PREX2: variants seen among roughly 807,000 people sequenced by gnomAD.
PREX2 encodes the protein phosphatidylinositol-3,4,5-trisphosphate dependent Rac exchange factor 2, also known as phosphatidylinositol 3,4,5-trisphosphate-dependent Rac exchanger 2 protein.
PREX2 carries 107 observed loss-of-function variants against 203.2 expected under a neutral mutation model. The observed-to-expected ratio is 0.53, with a 90% CI of 0.45 to 0.62. PREX2 has a LOEUF of 0.62. Ranked by LOEUF, PREX2 falls within the 20% of genes least tolerant of loss-of-function variation. The pLI, the probability that PREX2 is intolerant of heterozygous loss-of-function variation, is 0.00. For synonymous variants in PREX2, 672 were observed against 663.6 expected (o/e 1.01, Z -0.19); for missense variants, 1,777 against 1,955.9 (o/e 0.91, Z 1.72).
chr8:68,214,310 G>A (rs1327066115), intron 37 of PREX2, among the ~76,000 whole-genome samples: 1 of 152,142 alleles, frequency 6.6e-6, no homozygotes. Context: ...TGAGGAGGGA[G>A]GATCACCTGA....
At chr8:68,157,262 T>C in intron 34 of PREX2, 60 bp from the exon 35 acceptor site, 1 of 810,566 alleles carries the variant, frequency 1.2e-6, no homozygotes, top group South Asian at 2.1e-5. Context: ...AAAATTATAC[T>C]ACACGTGGAG....
At chr8:67,964,036 A>C (rs1296866718) in intron 1 of PREX2, among the ~76,000 whole-genome samples, 1 of 152,130 alleles carries the variant, frequency 6.6e-6, no homozygotes, top group African/African-American at 2.4e-5. Flanking sequence ...CTCAGTATTT[A>C]TGTAGATTCT....
chr8:68,164,342 A>T (rs958368629), intron 35 of PREX2, among the ~76,000 whole-genome samples: 1 of 131,778 alleles, frequency 7.6e-6, no homozygotes, highest in African/African-American at 2.8e-5. Context: ...GAAAGGCCTT[A>T]ATATGTATTA....
At chr8:68,059,637 C>T (rs1399399899) in intron 10 of PREX2, among the ~76,000 whole-genome samples, 1 of 152,166 alleles carries the variant, frequency 6.6e-6, no homozygotes, top group East Asian at 1.9e-4. Context: ...CAACACCAGT[C>T]AGAAGTCCAG....
chr8:68,213,707 A>G (rs1036162484), intron 37 of PREX2, among the ~76,000 whole-genome samples: 4 of 152,218 alleles, frequency 2.6e-5, no homozygotes, highest in African/African-American at 9.6e-5. Flanking sequence ...TTATAAGCAC[A>G]GATATATTGA....
At chr8:68,007,696 G>A (rs531494074) in intron 1 of PREX2, among the ~76,000 whole-genome samples, 36 of 152,184 alleles carry the variant, frequency 2.4e-4, no homozygotes, top group African/African-American at 8.2e-4. Context: ...TGCAAGCTCC[G>A]CCTCCTAGGT....
intron 30 of PREX2, among the ~76,000 whole-genome samples, chr8:68,123,842 A>G (rs1378784146): frequency 6.6e-6 from 1 of 152,072 alleles, no homozygotes; most frequent in Admixed American, 6.6e-5. Context: ...ATGTACACAG[A>G]AGAGCTGGTA....
At chr8:68,038,135 T>G (rs201109115) in intron 6 of PREX2, 24 bp from the exon 7 acceptor site, 601 of 1,605,622 alleles carry the variant, frequency 3.7e-4, no homozygotes, top group Non-Finnish European at 4.7e-4. Context: ...TAAGCAGACA[T>G]TAATTGCATT....
At chr8:68,152,590 A>G (rs1181675521) in intron 34 of PREX2, among the ~76,000 whole-genome samples, 2 of 152,140 alleles carry the variant, frequency 1.3e-5, no homozygotes, top group Non-Finnish European at 2.9e-5. Flanking sequence ...CACACCAACA[A>G]TCATGCAAAT....
intron 15 of PREX2, 152 bp from the exon 16 acceptor site, chr8:68,080,291 C>A (rs1348787762): frequency 3.9e-5 from 19 of 493,448 alleles, no homozygotes; most frequent in Non-Finnish European, 5.8e-5. Flanking sequence ...AGAAAAAAAA[C>A]AAAACCCGGG....
chr8:68,170,377 C>A (rs139128983), intron 35 of PREX2, among the ~76,000 whole-genome samples: 1 of 152,230 alleles, frequency 6.6e-6, no homozygotes, highest in African/African-American at 2.4e-5. Flanking sequence ...TTAAAGTTTG[C>A]ACAAGGCAGT....
intron 35 of PREX2, among the ~76,000 whole-genome samples, chr8:68,173,574 G>A (rs888679107): frequency 3.3e-5 from 5 of 152,072 alleles, no homozygotes; most frequent in African/African-American, 9.7e-5. Context: ...ACCTTAAGAA[G>A]TTGTAATTAT....
At chr8:67,995,248 A>T (rs1025372712) in intron 1 of PREX2, among the ~76,000 whole-genome samples, 2 of 152,106 alleles carry the variant, frequency 1.3e-5, no homozygotes, top group Non-Finnish European at 2.9e-5. Context: ...GCATTTTCTT[A>T]TATCTTTTTA....
chr8:67,954,783 G>A (rs1007106000), intron 1 of PREX2, among the ~76,000 whole-genome samples: 1 of 152,186 alleles, frequency 6.6e-6, no homozygotes, highest in Non-Finnish European at 1.5e-5. Context: ...AGAGGAAGAA[G>A]AGGTAGAAAA....
intron 38 of PREX2, among the ~76,000 whole-genome samples, chr8:68,222,109 A>T (rs1812965624): frequency 6.6e-6 from 1 of 152,128 alleles, no homozygotes; most frequent in Non-Finnish European, 1.5e-5. Context: ...ATATGGATAG[A>T]TGTAGAAATG....
intron 1 of PREX2, 22 bp downstream of exon 1, chr8:67,952,557 AGGGGGACGTCCGGGCGGCGCG>A (rs2129016167): frequency 6.2e-7 from 1 of 1,603,316 alleles, no homozygotes. Flanking sequence ...CGGCAGACGC[AGGGGGACGTCCGGGCGGCGCG>A]GGGCGCGGGT....
At chr8:68,181,288 G>A (rs1289730063) in intron 35 of PREX2, among the ~76,000 whole-genome samples, 2 of 152,002 alleles carry the variant, frequency 1.3e-5, no homozygotes, top group African/African-American at 2.4e-5. Flanking sequence ...TTTCTCTTAC[G>A]GTATTCACAA....
At chr8:68,167,070 A>T (rs2129614137) in intron 35 of PREX2, among the ~76,000 whole-genome samples, 1 of 152,308 alleles carries the variant, frequency 6.6e-6, no homozygotes, top group Middle Eastern at 3.4e-3. Flanking sequence ...GGTCTACATC[A>T]TTGCTGTAGC....
In PREX2 at chr8:68,090,632, A is replaced by G. The variant is rs767109889; in HGVS notation, c.2167A>G (p.Asn723Asp). ...CCCTGGACAGTGCATTATCAAGGTGAATGGAATCAATGTCAGCAAAGAGAC... is the reference window on the plus strand; with the variant it reads ...CCCTGGACAGTGCATTATCAAGGTGGATGGAATCAATGTCAGCAAAGAGAC... Reference protein sequence around the residue: ...LHPGQCIIKVNGINVSKETHA... With the variant: ...LHPGQCIIKVDGINVSKETHA... Residue 723 changes from asparagine (N) to aspartate (D), a missense_variant, in exon 20 of 40, where the codon AAT becomes GAT. Coordinates refer to ENST00000288368, the MANE Select transcript of PREX2 (RefSeq NM_024870.4). 3.7e-6 allele frequency: 6 copies of G among 1,613,742 alleles called. No individual in the cohort carries two copies. Among genetic ancestry groups the G allele is most frequent in the Non-Finnish European group, 5.1e-6 (6 of 1,179,808 alleles).
Sources: allele counts gnomAD v4.1 joint callset (sites outside exome capture counted in the v4.1 genomes callset), GRCh38; gene constraint gnomAD v4.1.1; transcripts MANE v1.5; gene names NCBI Gene and HGNC (gene_info 2026-07-23, HGNC 2026-07-21).